CTNNA2: variants seen among roughly 807,000 people sequenced by gnomAD.
CTNNA2 encodes the protein catenin alpha 2.
In CTNNA2, 42 loss-of-function variants were observed where a neutral mutation model predicts 101.0. That is an observed-to-expected ratio of 0.42 (90% confidence interval 0.32 to 0.54). The LOEUF (loss-of-function observed/expected upper bound fraction) is 0.54, where lower values mean the gene tolerates loss of function less well. CTNNA2 is among the 20% of genes least tolerant of loss of function. The probability of loss-of-function intolerance (pLI) is 0.14; values close to 1 mark genes in which losing one functional copy is unlikely to be tolerated. For missense variants in CTNNA2, 871 were observed against 1,223.1 expected, an observed-to-expected ratio of 0.71 and a Z score of 4.29; for synonymous variants, 450 against 456.4, an observed-to-expected ratio of 0.99 and a Z score of 0.18.
rs1323336278 is a variant in CTNNA2 at position 79,407,608 on chromosome 2, A to AAGG, written c.-135+33611_-135+33613dup. Among the ~76,000 whole-genome samples, 6 of 151,848 alleles carry AAGG rather than the reference A, an allele frequency of 4.0e-5. No individual in the cohort carries two copies. The East Asian group carries it at 5.8e-4, about 15-fold the overall frequency. On this transcript the variant is annotated intron_variant, in intron 4 of 21. Coordinates refer to the CTNNA2 transcript ENST00000466387. ...GTACCCTCTAGCAATGAAGAGGAAG[A>AAGG]AGGAGGAGGAGGAGGAGGGCAGAAT...
chr2:79,846,738 G>T (rs986401549), intron 3 of CTNNA2, among the ~76,000 whole-genome samples: 1 of 152,216 alleles, frequency 6.6e-6, no homozygotes, highest in Non-Finnish European at 1.5e-5. Flanking sequence ...AGCCATTAAA[G>T]ATTTTGATAG....
At chr2:80,471,563 A>C (rs1685305930) in intron 9 of CTNNA2, among the ~76,000 whole-genome samples, 1 of 152,184 alleles carries the variant, frequency 6.6e-6, no homozygotes, top group African/African-American at 2.4e-5. Context: ...AGGAACCAAG[A>C]AGAGGCAATT....
At chr2:79,534,024 A>G (rs1044865632) in intron 1 of CTNNA2, among the ~76,000 whole-genome samples, 2 of 152,148 alleles carry the variant, frequency 1.3e-5, no homozygotes, top group Non-Finnish European at 2.9e-5. Context: ...CACAAATAAT[A>G]TTATAACTAA....
At chr2:79,219,202 A>G (rs1199730911) in intron 2 of CTNNA2, among the ~76,000 whole-genome samples, 1 of 152,190 alleles carries the variant, frequency 6.6e-6, no homozygotes, top group African/African-American at 2.4e-5. Context: ...TTTATATCAC[A>G]ATTTAGATGA....
chr2:79,440,274 G>A (rs1001452502), intron 4 of CTNNA2, among the ~76,000 whole-genome samples: 1 of 152,056 alleles, frequency 6.6e-6, no homozygotes, highest in Non-Finnish European at 1.5e-5. Flanking sequence ...GGAAAAGGAA[G>A]TGGATATGGC....
intron 4 of CTNNA2, among the ~76,000 whole-genome samples, chr2:79,866,766 C>G (rs1446409670): frequency 6.6e-6 from 1 of 152,196 alleles, no homozygotes; most frequent in Non-Finnish European, 1.5e-5. Flanking sequence ...TCTTGCCATA[C>G]ATTTTGCTAA....
At chr2:80,141,309 T>C (rs1321651212) in intron 7 of CTNNA2, among the ~76,000 whole-genome samples, 1 of 151,860 alleles carries the variant, frequency 6.6e-6, no homozygotes, top group African/African-American at 2.4e-5. Flanking sequence ...ACAGTTTCCT[T>C]GAAGGAATTT....
intron 18 of CTNNA2, among the ~76,000 whole-genome samples, chr2:80,629,078 C>T (rs1422594198): frequency 6.6e-6 from 1 of 152,130 alleles, no homozygotes; most frequent in Non-Finnish European, 1.5e-5. Context: ...ACATTGAGCA[C>T]AGGGTCCAGA....
intron 2 of CTNNA2, among the ~76,000 whole-genome samples, chr2:79,206,075 C>T (rs574616971): frequency 1.4e-3 from 217 of 152,076 alleles, no homozygotes; most frequent in African/African-American, 4.8e-3. Context: ...AAAAGTGGCA[C>T]GTCTGCTGTA....
intron 7 of CTNNA2, among the ~76,000 whole-genome samples, chr2:80,050,681 G>T (rs1696818515): frequency 1.3e-5 from 2 of 152,072 alleles, no homozygotes. Context: ...CCTAACTGAA[G>T]AGAACATTGT....
At chr2:79,903,277 A>C (rs1382761328) in intron 6 of CTNNA2, among the ~76,000 whole-genome samples, 1 of 152,004 alleles carries the variant, frequency 6.6e-6, no homozygotes, top group Non-Finnish European at 1.5e-5. Flanking sequence ...ATATAGACAC[A>C]ATCCTGATTT....
At chr2:80,421,802 C>CAAAA (rs754594979) in intron 9 of CTNNA2, among the ~76,000 whole-genome samples, 2 of 67,020 alleles carry the variant, frequency 3.0e-5, no homozygotes. Context: ...TGCATATATA[C>CAAAA]AAAAAAAAAA....
chr2:79,610,789 C>A (rs1314858644), intron 1 of CTNNA2, among the ~76,000 whole-genome samples: 1 of 152,022 alleles, frequency 6.6e-6, no homozygotes, highest in Admixed American at 6.6e-5. Flanking sequence ...ATCTTGTTTG[C>A]GGTTTTTTCT....
chr2:79,755,927 T>C (rs1672367575), intron 3 of CTNNA2, among the ~76,000 whole-genome samples: 1 of 152,054 alleles, frequency 6.6e-6, no homozygotes, highest in African/African-American at 2.4e-5. Context: ...TGATGAAAAA[T>C]GCATACACGT....
chr2:79,739,432 G>A (rs1214412684), intron 2 of CTNNA2, among the ~76,000 whole-genome samples: 1 of 152,034 alleles, frequency 6.6e-6, no homozygotes, highest in Non-Finnish European at 1.5e-5. Flanking sequence ...TCCTCATAGG[G>A]CCCATGTTCT....
intron 3 of CTNNA2, among the ~76,000 whole-genome samples, chr2:79,746,996 C>A (rs1018196678): frequency 6.6e-6 from 1 of 152,154 alleles, no homozygotes; most frequent in Admixed American, 6.5e-5. Context: ...ATTCTTCTTG[C>A]AAACCTACCA....
chr2:80,322,099 A>G (rs1388196741), intron 7 of CTNNA2, among the ~76,000 whole-genome samples: 1 of 152,160 alleles, frequency 6.6e-6, no homozygotes, highest in African/African-American at 2.4e-5. Flanking sequence ...ATTTCATAGA[A>G]CTACTTTATC....
intron 1 of CTNNA2, among the ~76,000 whole-genome samples, chr2:79,519,026 T>A (rs1671957198): frequency 6.6e-6 from 1 of 151,928 alleles, no homozygotes; most frequent in African/African-American, 2.4e-5. Context: ...GCCAGGAGTT[T>A]GAGACCAGCC....
chr2:79,480,187 A>T (rs1671094222), intron 4 of CTNNA2, among the ~76,000 whole-genome samples: 1 of 152,010 alleles, frequency 6.6e-6, no homozygotes. Flanking sequence ...TTGAGAACTG[A>T]TGGAGCAAGA....
Sources: allele counts gnomAD v4.1 joint callset (sites outside exome capture counted in the v4.1 genomes callset), GRCh38; gene constraint gnomAD v4.1.1; transcripts MANE v1.5; gene names NCBI Gene and HGNC (gene_info 2026-07-23, HGNC 2026-07-21).